FARS2: variants seen among roughly 807,000 people sequenced by gnomAD.
The protein encoded by FARS2 is phenylalanine--tRNA ligase, mitochondrial.
In FARS2, 40 loss-of-function variants were observed where a neutral mutation model predicts 46.4. The ratio of observed to expected loss-of-function variants is 0.86; its 90% CI spans 0.67 to 1.12. The LOEUF is 1.12. Among genes scored for constraint, FARS2 ranks in the 50% most tolerant of loss-of-function variants. FARS2 has a pLI of 0.00. For missense variants in FARS2, 513 were observed against 567.9 expected (o/e 0.90, Z 0.98); for synonymous variants, 234 against 214.9 (o/e 1.09, Z -0.78).
At chr6:5,653,388 G>GA (rs1405352721) in intron 6 of FARS2, among the ~76,000 whole-genome samples, 1 of 152,170 alleles carries the variant, frequency 6.6e-6, no homozygotes, top group African/African-American at 2.4e-5. Context: ...AAGAATTGAA[G>GA]AAAAAATGTT....
In FARS2 at chr6:5,404,623, AC is replaced by A; in HGVS notation, c.696del (p.Met233TrpfsTer4). 6.2e-7 allele frequency: 1 copy of A among 1,613,528 alleles called. No individual in the cohort carries two copies. The highest frequency in any genetic ancestry group is 1.1e-5 in the South Asian group (1 of 90,942). On this transcript the variant is annotated frameshift_variant, in exon 3 of 7. Coordinates refer to ENST00000274680, the MANE Select transcript of FARS2 (RefSeq NM_006567.5). LOFTEE classifies it high-confidence loss of function. ...CTCTGCGCATAAACAAGAGACACAC[AC>A]CATGGAGGCCGTGAAGCTTGTAGAG... ...SRSAHKQETH[T>X]MEAVKLVEFD...
intron 4 of FARS2, among the ~76,000 whole-genome samples, chr6:5,480,047 T>C (rs1164863298): frequency 2.0e-5 from 3 of 152,188 alleles, no homozygotes; most frequent in Non-Finnish European, 4.4e-5. Flanking sequence ...ATATTTCTAG[T>C]TGGGGTGATG....
intron 4 of FARS2, among the ~76,000 whole-genome samples, chr6:5,511,497 A>G (rs2150403772): frequency 6.6e-6 from 1 of 152,372 alleles, no homozygotes; most frequent in East Asian, 1.9e-4. Context: ...TAATTCCAGG[A>G]ATAGGTACAA....
At chr6:5,550,051 G>A (rs1396424150) in intron 5 of FARS2, among the ~76,000 whole-genome samples, 3 of 152,046 alleles carry the variant, frequency 2.0e-5, no homozygotes, top group East Asian at 3.9e-4. Context: ...CTGAAGCGAG[G>A]TACCTACTCC....
the FARS2 span, among the ~76,000 whole-genome samples, chr6:5,254,900 AG>A: frequency 3.3e-5 from 5 of 152,100 alleles, no homozygotes; most frequent in African/African-American, 1.2e-4. Flanking sequence ...TGGGAGGTGG[AG>A]GGGGTATCTC....
intron 3 of FARS2, among the ~76,000 whole-genome samples, chr6:5,427,839 G>C (rs533830144): frequency 6.6e-6 from 1 of 152,056 alleles, no homozygotes; most frequent in African/African-American, 2.4e-5. Context: ...AAAAGAGCAA[G>C]GGTTGATAAA....
At chr6:5,441,559 T>C (rs538034970) in intron 4 of FARS2, among the ~76,000 whole-genome samples, 8 of 152,368 alleles carry the variant, frequency 5.3e-5, no homozygotes, top group Non-Finnish European at 1.0e-4. Context: ...GTGAAGTTCA[T>C]CTGTGTTGTC....
intron 5 of FARS2, among the ~76,000 whole-genome samples, chr6:5,577,019 C>A (rs1773026533): frequency 6.6e-6 from 1 of 151,730 alleles, no homozygotes; most frequent in South Asian, 2.1e-4. Flanking sequence ...ATATAAAAAC[C>A]CATGGAAATG....
intron 4 of FARS2, among the ~76,000 whole-genome samples, chr6:5,516,147 A>G (rs1768776272): frequency 6.6e-6 from 1 of 152,208 alleles, no homozygotes; most frequent in Non-Finnish European, 1.5e-5. Context: ...CCAGCCCAAT[A>G]GTAGTTCTGG....
chr6:5,348,722 A>G (rs951713434), intron 1 of FARS2, among the ~76,000 whole-genome samples: 8 of 143,780 alleles, frequency 5.6e-5, no homozygotes, highest in African/African-American at 2.0e-4. Flanking sequence ...TCAGCAGGCT[A>G]AAGAAGAAAA....
At chr6:5,674,074 C>T (rs964277183) in intron 6 of FARS2, among the ~76,000 whole-genome samples, 5 of 151,188 alleles carry the variant, frequency 3.3e-5, no homozygotes, top group African/African-American at 1.2e-4. Flanking sequence ...TTCGGTGATC[C>T]AGCCAAAGGT....
chr6:5,379,162 A>C (rs564617466), intron 2 of FARS2, among the ~76,000 whole-genome samples: 76 of 152,104 alleles, frequency 5.0e-4, no homozygotes, highest in African/African-American at 1.4e-3. Flanking sequence ...GTGCCACTCT[A>C]TCTCTTTTTG....
intron 1 of FARS2, among the ~76,000 whole-genome samples, chr6:5,328,129 A>G (rs1450103222): frequency 6.6e-6 from 1 of 152,208 alleles, no homozygotes; most frequent in East Asian, 1.9e-4. Flanking sequence ...AACTAAATGT[A>G]TACCTTTTGT....
chr6:5,448,444 A>G (rs1210141507), intron 4 of FARS2, among the ~76,000 whole-genome samples: 2 of 148,816 alleles, frequency 1.3e-5, no homozygotes, highest in African/African-American at 4.9e-5. Context: ...TTTCTTCTTA[A>G]AAACCAAAGC....
rs1443301571 is a variant in FARS2 at position 5,740,057 on chromosome 6, G to A, written c.1218-31234G>A. ...AAACCGAGGTTTAAAGGCCCCCAGA[G>A]TCCATGCTTCCGACCACTGCATGGT... On this transcript the variant is annotated intron_variant, in intron 6 of 6. Coordinates refer to ENST00000274680, the MANE Select transcript of FARS2 (RefSeq NM_006567.5). 3.3e-5 allele frequency among the ~76,000 whole-genome samples: 5 copies of A among 152,214 alleles called. No homozygotes were observed. In the East Asian group the frequency reaches 9.6e-4, roughly 29 times the overall value.
intron 4 of FARS2, among the ~76,000 whole-genome samples, chr6:5,461,607 C>T (rs1765248519): frequency 6.6e-6 from 1 of 151,512 alleles, no homozygotes; most frequent in Admixed American, 6.6e-5. Context: ...GTTGCCCAGA[C>T]AGGAGTGCAG....
intron 4 of FARS2, among the ~76,000 whole-genome samples, chr6:5,505,769 G>GA (rs1443441577): frequency 2.0e-5 from 3 of 152,164 alleles, no homozygotes; most frequent in African/African-American, 7.2e-5. Flanking sequence ...TCTGCAAACA[G>GA]AAAAGGAAGA....
chr6:5,624,825 C>T (rs1476829671), intron 6 of FARS2, among the ~76,000 whole-genome samples: 1 of 151,896 alleles, frequency 6.6e-6, no homozygotes, highest in Non-Finnish European at 1.5e-5. Context: ...TGGGGCGGCC[C>T]CGCCCCCGCC....
chr6:5,378,411 T>C lies in FARS2; in HGVS notation c.612+9229T>C, dbSNP rs995001298. On this transcript the variant is annotated intron_variant, in intron 2 of 6. Transcript: ENST00000274680. Reference sequence around the variant, plus strand: ...TCCTTGTCAGAAAAAACCGCTGTCATTTATCATTAGAAAATCTCACTTTTG... The same window carrying C: ...TCCTTGTCAGAAAAAACCGCTGTCACTTATCATTAGAAAATCTCACTTTTG... Among the ~76,000 whole-genome samples the C allele has an allele frequency of 4.6e-5, 7 of 152,310 alleles. No individual in the cohort carries two copies. The East Asian group carries it at 1.2e-3, about 25-fold the overall frequency.
Sources: gnomAD v4.1 joint callset for allele counts (sites outside exome capture counted in the v4.1 genomes callset) on GRCh38, gnomAD v4.1.1 for gene constraint, MANE v1.5 for transcripts, NCBI Gene and HGNC (gene_info 2026-07-23, HGNC 2026-07-21) for gene names.